KLF7: variants seen among roughly 807,000 people sequenced by gnomAD.
KLF7 encodes Krueppel-like factor 7.
In KLF7, 2 loss-of-function variants were observed where a neutral mutation model predicts 27.3. That is an observed-to-expected ratio of 0.07 (90% confidence interval 0.03 to 0.23). The LOEUF (loss-of-function observed/expected upper bound fraction) is 0.23. KLF7 is among the 10% of genes least tolerant of loss of function. The probability of loss-of-function intolerance (pLI) is 1.00; values close to 1 mark genes in which losing one functional copy is unlikely to be tolerated. For synonymous variants in KLF7, 165 were observed against 162.4 expected (o/e 1.02, Z -0.12); for missense variants, 221 against 394.1 (o/e 0.56, Z 3.72).
rs541198890 is a variant in KLF7, at chr2:207,149,537, G to A, written c.102+15930C>T. ...ACTCCTGCCACAGTTTTGGCAACAG[G>A]AAGACATCGGGAGAGCCTCTCACAG... On this transcript the variant is annotated intron_variant, in intron 1 of 3. Transcript: ENST00000309446. 1.1e-4 allele frequency among the ~76,000 whole-genome samples: 16 copies of A among 152,314 alleles called. No homozygotes were observed. The South Asian group carries it at 1.9e-3, about 18-fold the overall frequency.
chr2:207,143,855 G>T (rs1374863234), intron 1 of KLF7, among the ~76,000 whole-genome samples: 1 of 152,188 alleles, frequency 6.6e-6, no homozygotes, highest in Non-Finnish European at 1.5e-5. Context: ...GGGCCGGAAA[G>T]AGAGTTAGAG....
chr2:207,085,527 G>C (rs1046186399), intron 3 of KLF7, among the ~76,000 whole-genome samples: 1 of 152,192 alleles, frequency 6.6e-6, no homozygotes, highest in African/African-American at 2.4e-5. Flanking sequence ...GCACTGTCCA[G>C]TCAGATGGTG....
intron 2 of KLF7, among the ~76,000 whole-genome samples, chr2:207,093,634 G>C (rs759438206): frequency 3.9e-5 from 6 of 152,228 alleles, no homozygotes; most frequent in Non-Finnish European, 7.3e-5. Context: ...CCTCACCAGA[G>C]CATAAGCTTC....
At chr2:207,152,372 A>T (rs1391384408) in intron 1 of KLF7, among the ~76,000 whole-genome samples, 1 of 152,128 alleles carries the variant, frequency 6.6e-6, no homozygotes, top group Non-Finnish European at 1.5e-5. Flanking sequence ...CTGTGACAAT[A>T]GCAGGCTTTT....
rs530848612 is a variant in KLF7 at position 207,157,722 on chromosome 2, G to T, written c.102+7745C>A. ...AGGGTGCCATCCATGACAGGCTGAT[G>T]CTAAAGCACCTCAGAAGCCAAGTCA... On this transcript the variant is annotated intron_variant, in intron 1 of 3. Coordinates refer to ENST00000309446, the MANE Select transcript of KLF7 (RefSeq NM_003709.4). 9.2e-5 allele frequency among the ~76,000 whole-genome samples: 14 copies of T among 152,308 alleles called. No homozygotes were observed. In the South Asian group the frequency reaches 2.9e-3, roughly 32 times the overall value.
In KLF7 at chr2:207,078,515, A is replaced by G. The variant is rs769946179; in HGVS notation, c.*2698T>C. On this transcript the variant is annotated 3_prime_UTR_variant, in exon 4 of 4. Transcript: ENST00000309446. Reference sequence around the variant, plus strand: ...CCTTGCATTGGTCAGTTCGAAAATTAAATTAAGTATTATAAACCCTTAATA... The same window carrying G: ...CCTTGCATTGGTCAGTTCGAAAATTGAATTAAGTATTATAAACCCTTAATA... The G allele has an allele frequency of 6.6e-6, 1 of 152,266 alleles. No homozygotes were observed. Among genetic ancestry groups the G allele is most frequent in the African/African-American group, 2.4e-5 (1 of 41,468 alleles). 9.4% of individuals were successfully genotyped at this position (152,266 alleles called of 1,614,324 possible). A position where few individuals can be genotyped will look rare whatever the true frequency, so the allele number is the denominator to read the frequency against.
chr2:207,082,806 G>C (rs2076303450), intron 3 of KLF7, among the ~76,000 whole-genome samples: 1 of 152,170 alleles, frequency 6.6e-6, no homozygotes, highest in Admixed American at 6.6e-5. Context: ...GTTCAGGGCA[G>C]GATTTCCCTA....
chr2:207,167,095 T>A, upstream of KLF7: 1 of 1,397,038 alleles, frequency 7.2e-7, no homozygotes, highest in South Asian at 1.5e-5. Flanking sequence ...GGGCGCAAGC[T>A]GGAGCCGGCA....
rs1244339563 is a variant in KLF7, at chr2:207,078,371, A to ACAT, written c.*2841_*2842insATG. ...AGAGAAATTACTGAACATTTCAGAC[A>ACAT]CTGATGAGGACCAAAGGGCCTTTGT... is the stretch of plus-strand genomic sequence containing the variant. On this transcript the variant is annotated 3_prime_UTR_variant, in exon 4 of 4. Transcript: ENST00000309446. The ACAT allele has an allele frequency of 6.6e-6, 1 of 152,254 alleles. No homozygotes were observed. Among genetic ancestry groups the ACAT allele is most frequent in the Non-Finnish European group, 1.5e-5 (1 of 68,028 alleles). 9.4% of individuals were successfully genotyped at this position (152,254 alleles called of 1,614,324 possible). A position where few individuals can be genotyped will look rare whatever the true frequency, so the allele number is the denominator to read the frequency against.
chr2:207,126,172 C>A (rs2077471560), intron 1 of KLF7, among the ~76,000 whole-genome samples: 1 of 152,172 alleles, frequency 6.6e-6, no homozygotes, highest in Non-Finnish European at 1.5e-5. Context: ...CTGAACTCCA[C>A]TTCTCAAAAA....
At chr2:207,120,930 C>A (rs1292603378) in intron 2 of KLF7, 3 of 152,200 alleles carry the variant, frequency 2.0e-5, no homozygotes, top group African/African-American at 7.2e-5. Flanking sequence ...CAAATAAATA[C>A]TTCTGATTCT....
In KLF7 at chr2:207,079,649, CAAGT is replaced by C. The variant is rs1033538488; in HGVS notation, c.*1560_*1563del. On this transcript the variant is annotated 3_prime_UTR_variant, in exon 4 of 4. Coordinates refer to ENST00000309446, the MANE Select transcript of KLF7 (RefSeq NM_003709.4). The stretch of plus-strand genomic sequence containing the variant: ...TACTGGATGTGTGAGTGTGGCATGA[CAAGT>C]AAGGACTGTAGACTCCTTTGGAGTC... 5 of 151,980 alleles carry C rather than the reference CAAGT, an allele frequency of 3.3e-5. No homozygotes were observed. Among genetic ancestry groups the C allele is most frequent in the Non-Finnish European group, 7.3e-5 (5 of 68,036 alleles). The allele number at this position is 151,980 out of a possible 1,614,324, so 9.4% of individuals were successfully genotyped here.
intron 1 of KLF7, among the ~76,000 whole-genome samples, chr2:207,156,189 T>C (rs537286911): frequency 2.7e-4 from 41 of 152,354 alleles, no homozygotes; most frequent in African/African-American, 9.9e-4. Flanking sequence ...CATACAATTT[T>C]GCAAACATCA....
At chr2:207,172,807 T>C in the KLF7 span, among the ~76,000 whole-genome samples, 2 of 152,228 alleles carry the variant, frequency 1.3e-5, no homozygotes, top group Non-Finnish European at 2.9e-5. Flanking sequence ...CTTACTTTCA[T>C]TGACATCATA....
intron 2 of KLF7, among the ~76,000 whole-genome samples, chr2:207,097,370 A>C (rs2076656041): frequency 6.6e-6 from 1 of 152,214 alleles, no homozygotes; most frequent in Admixed American, 6.5e-5. Context: ...AAGTGTTATT[A>C]ACGGTGTTTG....
intron 1 of KLF7, among the ~76,000 whole-genome samples, chr2:207,126,660 G>A (rs2014766): frequency 0.27 from 40,747 of 152,056 alleles, 6,153 homozygotes; most frequent in East Asian, 0.51. Context: ...AAAATTTGCC[G>A]GGCGCAGTGG....
Position 207,076,964 on chromosome 2 carries a change from C to CA in KLF7, c.*4248dup, listed in dbSNP as rs2076186430. On this transcript the variant is annotated 3_prime_UTR_variant, in exon 4 of 4. Coordinates refer to ENST00000309446, the MANE Select transcript of KLF7 (RefSeq NM_003709.4). ...AGAAATGCTGGCCCTCTTAAGATTT[C>CA]AAAAAAATTCTAATAAACTAAAAAA... The CA allele has an allele frequency of 6.6e-6, 1 of 152,014 alleles. No homozygotes were observed. Among genetic ancestry groups the CA allele is most frequent in the Non-Finnish European group, 1.5e-5 (1 of 67,984 alleles). The allele number at this position is 152,014 out of a possible 1,614,324, so 9.4% of individuals were successfully genotyped here. A position where few individuals can be genotyped will look rare whatever the true frequency, so the allele number is the denominator to read the frequency against.
chr2:207,084,142 T>C (rs1462791795), intron 3 of KLF7, among the ~76,000 whole-genome samples: 2 of 152,216 alleles, frequency 1.3e-5, no homozygotes, highest in East Asian at 1.9e-4. Context: ...TGGTCAGGCC[T>C]GAGGAGGATG....
chr2:207,155,859 G>A (rs1037856803), intron 1 of KLF7, among the ~76,000 whole-genome samples: 9 of 152,172 alleles, frequency 5.9e-5, no homozygotes, highest in Non-Finnish European at 1.3e-4. Context: ...GGGTGTTGGG[G>A]TGGAAAGAAT....
Sources: gnomAD v4.1 joint callset for allele counts (sites outside exome capture counted in the v4.1 genomes callset) on GRCh38, gnomAD v4.1.1 for gene constraint, MANE v1.5 for transcripts, NCBI Gene and HGNC (gene_info 2026-07-23, HGNC 2026-07-21) for gene names.